ZGRF1: variants seen among roughly 807,000 people sequenced by gnomAD.
The protein encoded by ZGRF1 is 5'-3' DNA helicase ZGRF1.
A neutral mutation model predicts 203.5 loss-of-function variants in ZGRF1; 196 were observed. That is an observed-to-expected ratio of 0.96 (90% CI 0.86 to 1.08). The LOEUF is 1.08. Ranked by LOEUF, ZGRF1 falls within the 50% of genes least tolerant of loss-of-function variation. The probability of loss-of-function intolerance (pLI) is 0.00; values close to 1 mark genes in which losing one functional copy is unlikely to be tolerated. For synonymous variants in ZGRF1, 809 were observed against 841.3 expected, an observed-to-expected ratio of 0.96 and a Z score of 0.66; for missense variants, 2,326 against 2,416.3, an observed-to-expected ratio of 0.96 and a Z score of 0.78.
rs1364168083 is a variant in ZGRF1 at position 112,617,690 on chromosome 4, T to C, written c.2352A>G (p.Glu784=). ...TTCTAATCTTTCCCAAATCTTCAGG[T>C]TCAGATATATGTGCTTCTGTGTCTT... ...ISKDTEAHIS[E]PEDLGKIRSP... The change falls in exon 6 of 28, where the codon GAA becomes GAG. Residue 784 remains glutamate, a synonymous_variant. Transcript: ENST00000505019. 1.2e-6 allele frequency: 2 copies of C among 1,614,086 alleles called. No homozygotes were observed. The highest frequency in any genetic ancestry group is 1.7e-5 in the Admixed American group (1 of 60,024).
Position 112,563,200 on chromosome 4 carries a change from G to A in ZGRF1, c.4513C>T (p.Pro1505Ser). The change falls in exon 17 of 28, where the codon CCA becomes TCA. Residue 1505 changes from proline to serine, a missense_variant. Physicochemically the swap from Pro to Ser is moderately conservative, Grantham distance 74 (BLOSUM62 -1). Transcript: ENST00000505019. The stretch of plus-strand genomic sequence containing the variant: ...ATTTCTATCTCATTGATAGATGATG[G>A]TCCAAAGAAAGCACTACATGCGATA... ...TFIACSAFFG[P>S]SSINEIEILP... is the part of the protein sequence containing the mutation. The A allele has an allele frequency of 6.4e-7, 1 of 1,550,848 alleles. No homozygotes were observed. The highest frequency in any genetic ancestry group is 8.7e-7 in the Non-Finnish European group (1 of 1,146,414).
intron 6 of ZGRF1, among the ~76,000 whole-genome samples, chr4:112,616,835 T>TAAA (rs34222388): frequency 4.7e-4 from 69 of 145,594 alleles, no homozygotes; most frequent in African/African-American, 1.7e-3. Flanking sequence ...GAAACTGTCT[T>TAAA]AAAAAAAAAA....
chr4:112,587,982 TA>T, intron 11 of ZGRF1, 53 bp from the exon 12 acceptor site: 1 of 1,367,490 alleles, frequency 7.3e-7, no homozygotes, highest in Admixed American at 3.0e-5. Flanking sequence ...AGTTATCACC[TA>T]GGCTCTAGAA....
At chr4:112,561,255 CACA>C (rs1004345176) in intron 18 of ZGRF1, 12 of 414,012 alleles carry the variant, frequency 2.9e-5, no homozygotes, top group East Asian at 4.5e-5. Flanking sequence ...ATGAAATCTT[CACA>C]ACAACACTAG....
At chr4:112,628,485 T>A (rs2047306691) in intron 3 of ZGRF1, 1 of 431,482 alleles carries the variant, frequency 2.3e-6, no homozygotes, top group Admixed American at 2.5e-5. Flanking sequence ...GGTTGATGAC[T>A]TATTCAGTGG....
intron 1 of ZGRF1, among the ~76,000 whole-genome samples, chr4:112,636,094 T>C (rs2047617416): frequency 2.0e-5 from 3 of 152,232 alleles, no homozygotes; most frequent in South Asian, 2.1e-4. Flanking sequence ...CAGCATCATA[T>C]ATATTTAAGT....
At position 112,585,725 on chromosome 4, in the gene ZGRF1, TC is replaced by T. The variant is rs774901900; in HGVS notation, c.3917-1del. On this transcript the variant is annotated splice_acceptor_variant, in intron 13 of 27. Coordinates refer to ENST00000505019, the MANE Select transcript of ZGRF1 (RefSeq NM_018392.5). LOFTEE classifies it high-confidence loss of function. ...CCCAAACAGCAATATATTTAGATGTTCTACAAAAAAAAAAAAAAGAGAGCAG... is the reference window on the plus strand; with the variant it reads ...CCCAAACAGCAATATATTTAGATGTTTACAAAAAAAAAAAAAAGAGAGCAG... The T allele has an allele frequency of 3.4e-6, 5 of 1,474,686 alleles. No individual in the cohort carries two copies. In the African/African-American group the frequency reaches 4.4e-5, roughly 13 times the overall value. 91.4% of individuals were successfully genotyped at this position (1,474,686 alleles called of 1,614,324 possible). A position where few individuals can be genotyped will look rare whatever the true frequency, so the allele number is the denominator to read the frequency against.
chr4:112,632,911 G>A (rs78186603), intron 2 of ZGRF1, among the ~76,000 whole-genome samples: 16 of 152,330 alleles, frequency 1.1e-4, no homozygotes, highest in Non-Finnish European at 1.9e-4. Context: ...TGATGATTTT[G>A]TGTAACAAAT....
rs1342665007 is a variant in ZGRF1 at position 112,619,294 on chromosome 4, T to C, written c.748A>G (p.Arg250Gly). 2 of 1,613,408 alleles carry C rather than the reference T, an allele frequency of 1.2e-6. No homozygotes were observed. The highest frequency in any genetic ancestry group is 1.7e-5 in the Admixed American group (1 of 59,996). The change falls in exon 6 of 28, where the codon AGA (arginine) becomes GGA (glycine). Residue 250 changes from arginine to glycine, a missense_variant. Arg to Gly is a moderately radical substitution (Grantham distance 125, BLOSUM62 -2). Coordinates refer to ENST00000505019, the MANE Select transcript of ZGRF1 (RefSeq NM_018392.5). ...AGAGCTAATATCTGTGCTTTGCTTC[T>C]GATGTTTTGTGAAACTCCTGAATAG... is the stretch of plus-strand genomic sequence containing the variant. Reference protein sequence around the residue: ...SHYSGVSQNIRSKAQILALLK... With the variant: ...SHYSGVSQNIGSKAQILALLK...
intron 16 of ZGRF1, among the ~76,000 whole-genome samples, chr4:112,573,278 A>G (rs1744542336): frequency 6.6e-6 from 1 of 152,066 alleles, no homozygotes; most frequent in Admixed American, 6.6e-5. Flanking sequence ...GGAGACCACT[A>G]TTCTAAGTGA....
intron 24 of ZGRF1, 97 bp downstream of exon 24, chr4:112,547,187 AG>A (rs1364768090): frequency 8.3e-7 from 1 of 1,208,836 alleles, no homozygotes; most frequent in African/African-American, 1.5e-5. Context: ...ATTTTAAGGC[AG>A]GACTAAGTCT....
chr4:112,620,199 A>C lies in ZGRF1; in HGVS notation c.163-9T>G. The C allele has an allele frequency of 6.3e-7, 1 of 1,593,032 alleles. No homozygotes were observed. The highest frequency in any genetic ancestry group is 8.5e-7 in the Non-Finnish European group (1 of 1,171,376). ...TCATCTCCAGGTTTCACCTGAAAGA[A>C]TAAATGTCAAAATCACATACATCTA... On this transcript the variant is annotated splice_polypyrimidine_tract_variant and intron_variant, in intron 4 of 27. Coordinates refer to ENST00000505019, the MANE Select transcript of ZGRF1 (RefSeq NM_018392.5).
At chr4:112,623,447 A>C (rs1216436986) in intron 4 of ZGRF1, among the ~76,000 whole-genome samples, 1 of 152,194 alleles carries the variant, frequency 6.6e-6, no homozygotes, top group Non-Finnish European at 1.5e-5. Flanking sequence ...AGAATATGTC[A>C]CAAAAAATTT....
rs957922731 is a variant in ZGRF1, at chr4:112,606,175, A to G, written c.2719-84T>C. The G allele has an allele frequency of 3.3e-5, 30 of 915,622 alleles. No homozygotes were observed. In the African/African-American group the frequency reaches 4.2e-4, roughly 13 times the overall value. The allele number at this position is 915,622 out of a possible 1,614,324, so 56.7% of individuals were successfully genotyped here. On this transcript the variant is annotated intron_variant, in intron 8 of 27. Transcript: ENST00000505019. ...TGATTTTGATGGAAAAATAATTGCA[A>G]AACTTAAGTTTGCCCTGTGAAAACA...
intron 6 of ZGRF1, among the ~76,000 whole-genome samples, chr4:112,614,954 T>G (rs1484225777): frequency 2.2e-4 from 34 of 152,186 alleles, no homozygotes; most frequent in Admixed American, 2.2e-3. Context: ...ATATTGCTGT[T>G]GGCTATGAGT....
chr4:112,550,109 G>A (rs930858267), intron 22 of ZGRF1, among the ~76,000 whole-genome samples: 6 of 151,946 alleles, frequency 3.9e-5, no homozygotes, highest in African/African-American at 1.2e-4. Context: ...GGAGAATGGC[G>A]TGAACCCGGG....
intron 16 of ZGRF1, among the ~76,000 whole-genome samples, chr4:112,568,741 C>A (rs557027423): frequency 1.5e-5 from 2 of 130,302 alleles, no homozygotes; most frequent in African/African-American, 2.9e-5. Context: ...AAAAGCCAGG[C>A]GTGGTGGCTC....
At chr4:112,633,118 G>A (rs774591319) in intron 2 of ZGRF1, 38 bp downstream of exon 2, 1 of 1,575,062 alleles carries the variant, frequency 6.3e-7, no homozygotes, top group Non-Finnish European at 8.7e-7. Context: ...GACAGAGGAA[G>A]GGAATTTCAC....
chr4:112,561,277 T>C (rs1484261913), intron 18 of ZGRF1: 4 of 345,938 alleles, frequency 1.2e-5, no homozygotes, highest in Non-Finnish European at 2.1e-5. Context: ...AGGAAATAGT[T>C]AGTTAATTAT....
Sources: gnomAD v4.1 joint callset for allele counts (sites outside exome capture counted in the v4.1 genomes callset) on GRCh38, gnomAD v4.1.1 for gene constraint, MANE v1.5 for transcripts, NCBI Gene and HGNC (gene_info 2026-07-23, HGNC 2026-07-21) for gene names.